PPA2: variants seen among roughly 807,000 people sequenced by gnomAD.
PPA2 encodes inorganic pyrophosphatase 2.
In PPA2, 48 loss-of-function variants were observed where a neutral mutation model predicts 49.5. The ratio of observed to expected loss-of-function variants is 0.97; its 90% CI spans 0.77 to 1.23. PPA2 has a LOEUF of 1.23. PPA2 is among the 50% of genes most tolerant of loss of function. PPA2 has a pLI of 0.00. For missense variants in PPA2, 429 were observed against 410.1 expected (o/e 1.05, Z -0.40); for synonymous variants, 131 against 139.9 (o/e 0.94, Z 0.45).
chr4:105,420,872 T>C (rs1193482590), intron 7 of PPA2, among the ~76,000 whole-genome samples: 3 of 152,200 alleles, frequency 2.0e-5, no homozygotes, highest in African/African-American at 7.2e-5. Flanking sequence ...ATAAATAGTA[T>C]GATAAACTAA....
intron 10 of PPA2, among the ~76,000 whole-genome samples, chr4:105,380,979 T>C (rs1331786202): frequency 2.6e-5 from 4 of 152,142 alleles, no homozygotes; most frequent in Non-Finnish European, 4.4e-5. Flanking sequence ...TTCTTCAAAG[T>C]AGTTGTAGCC....
intron 3 of PPA2, among the ~76,000 whole-genome samples, chr4:105,451,015 G>T (rs1722656422): frequency 6.6e-6 from 1 of 152,244 alleles, no homozygotes; most frequent in African/African-American, 2.4e-5. Context: ...AATCATTTGA[G>T]AAGTGATTTA....
At chr4:105,409,330 G>C (rs1005851111) in intron 7 of PPA2, among the ~76,000 whole-genome samples, 1 of 152,232 alleles carries the variant, frequency 6.6e-6, no homozygotes, top group African/African-American at 2.4e-5. Flanking sequence ...CCTGTGAGAC[G>C]GCAGCCTGGT....
intron 4 of PPA2, among the ~76,000 whole-genome samples, chr4:105,446,871 A>G (rs1437397448): frequency 1.3e-5 from 2 of 152,150 alleles, no homozygotes; most frequent in African/African-American, 4.8e-5. Flanking sequence ...ACTAACTCAA[A>G]GATTCCTACC....
chr4:105,433,723 G>T (rs1723922753), intron 6 of PPA2, among the ~76,000 whole-genome samples: 1 of 152,116 alleles, frequency 6.6e-6, no homozygotes. Context: ...CTGCCCTCCG[G>T]CATGCTTCTT....
chr4:105,383,554 T>C (rs898049276), intron 10 of PPA2, among the ~76,000 whole-genome samples: 3 of 152,210 alleles, frequency 2.0e-5, no homozygotes, highest in Non-Finnish European at 4.4e-5. Context: ...AGTCCATTTC[T>C]TTTCTTTTCC....
intron 5 of PPA2, 38 bp downstream of exon 5, chr4:105,446,345 A>G: frequency 6.6e-7 from 1 of 1,520,630 alleles, no homozygotes; most frequent in Non-Finnish European, 8.8e-7. Context: ...ATTTTTTCAG[A>G]AGACAGGAAC....
At position 105,474,055 on chromosome 4, in the gene PPA2, T is replaced by C. The variant is rs1438218721; in HGVS notation, c.-5A>G. ...CAGCCGCAGCAGCGCGCTCATGGCG[T>C]CAATGACGGTCCTGCTGTGCGCGCG... On this transcript the variant is annotated 5_prime_UTR_variant, in exon 1 of 12. Coordinates refer to ENST00000341695, the MANE Select transcript of PPA2 (RefSeq NM_176869.3). 9 of 1,571,138 alleles carry C rather than the reference T, an allele frequency of 5.7e-6. No homozygotes were observed. In the African/African-American group the frequency reaches 1.2e-4, roughly 21 times the overall value.
intron 4 of PPA2, among the ~76,000 whole-genome samples, chr4:105,447,111 A>G (rs180917960): frequency 1.3e-5 from 2 of 152,168 alleles, no homozygotes; most frequent in Non-Finnish European, 2.9e-5. Context: ...TCCATCAAAA[A>G]ACATTGGAAA....
intron 7 of PPA2, among the ~76,000 whole-genome samples, chr4:105,419,242 G>A (rs1723144586): frequency 6.6e-6 from 1 of 152,114 alleles, no homozygotes; most frequent in Non-Finnish European, 1.5e-5. Flanking sequence ...GTGCCATGTT[G>A]GTGTGCTGCG....
intron 1 of PPA2, among the ~76,000 whole-genome samples, chr4:105,459,455 A>C (rs1722999434): frequency 6.6e-6 from 1 of 152,250 alleles, no homozygotes; most frequent in African/African-American, 2.4e-5. Context: ...CAATTAAAAT[A>C]AAATATGGTG....
At chr4:105,419,709 T>C (rs1560622417) in intron 7 of PPA2, among the ~76,000 whole-genome samples, 1 of 152,210 alleles carries the variant, frequency 6.6e-6, no homozygotes. Flanking sequence ...TCTGTACATA[T>C]GTTAATTAGG....
chr4:105,411,193 T>G (rs1344899903), intron 7 of PPA2, among the ~76,000 whole-genome samples: 1 of 152,084 alleles, frequency 6.6e-6, no homozygotes, highest in Admixed American at 6.6e-5. Context: ...AGACACACTT[T>G]GCTCAAAATA....
intron 5 of PPA2, among the ~76,000 whole-genome samples, chr4:105,444,121 C>T (rs772935304): frequency 6.6e-6 from 1 of 152,180 alleles, no homozygotes; most frequent in Non-Finnish European, 1.5e-5. Context: ...GCAGTACTTA[C>T]AAGAACACCT....
chr4:105,463,122 C>G (rs577391558), intron 1 of PPA2, among the ~76,000 whole-genome samples: 24 of 152,198 alleles, frequency 1.6e-4, no homozygotes, highest in African/African-American at 5.1e-4. Flanking sequence ...GACAGGAAAA[C>G]GTGGGAAAGT....
intron 10 of PPA2, among the ~76,000 whole-genome samples, chr4:105,385,879 A>AT (rs57267137): frequency 0.044 from 5,719 of 131,042 alleles, 161 homozygotes; most frequent in Middle Eastern, 0.081. Flanking sequence ...TTTATTTTCA[A>AT]TTTTTTTTTT....
At chr4:105,395,653 G>C (rs1035698077) in intron 9 of PPA2, among the ~76,000 whole-genome samples, 21 of 123,836 alleles carry the variant, frequency 1.7e-4, no homozygotes, top group African/African-American at 5.0e-4. Context: ...TAATTTAAAT[G>C]ATTTTTTTAA....
At chr4:105,458,258 A>C (rs1578882298) in intron 1 of PPA2, among the ~76,000 whole-genome samples, 1 of 152,206 alleles carries the variant, frequency 6.6e-6, no homozygotes. Context: ...AGATCCTGGA[A>C]CAGAAAAATG....
At chr4:105,419,985 T>A (rs1723183208) in intron 7 of PPA2, among the ~76,000 whole-genome samples, 1 of 152,066 alleles carries the variant, frequency 6.6e-6, no homozygotes, top group Non-Finnish European at 1.5e-5. Context: ...TGTTTTTTGT[T>A]TTTTGGGATG....
Sources: allele counts gnomAD v4.1 joint callset (sites outside exome capture counted in the v4.1 genomes callset), GRCh38; gene constraint gnomAD v4.1.1; transcripts MANE v1.5; gene names NCBI Gene and HGNC (gene_info 2026-07-23, HGNC 2026-07-21).